The following C5AR1 variants were observed in gnomAD, a reference collection of about 807,000 sequenced individuals.
C5AR1 encodes C5a anaphylatoxin chemotactic receptor 1.
A neutral mutation model predicts 2.4 loss-of-function variants in C5AR1; 4 were observed. The observed-to-expected ratio is 1.65, with a 90% CI of 0.81 to 3.77. The LOEUF (loss-of-function observed/expected upper bound fraction) is 3.77, where lower values mean the gene tolerates loss of function less well. Ranked by LOEUF, C5AR1 falls within the 30% of genes most tolerant of loss-of-function variation. The probability of loss-of-function intolerance (pLI) is 0.01; values close to 1 mark genes in which losing one functional copy is unlikely to be tolerated. For missense variants in C5AR1, 418 were observed against 462.5 expected (o/e 0.90, Z 0.88); for synonymous variants, 209 against 210.4 (o/e 0.99, Z 0.06).
At chr19:47,310,435 G>A (rs749443027) in intron 1 of C5AR1, among the ~76,000 whole-genome samples, 6 of 152,188 alleles carry the variant, frequency 3.9e-5, no homozygotes, top group Non-Finnish European at 7.3e-5. Context: ...ATGTTGGGAG[G>A]CTGGAAAGAA....
chr19:47,320,124 T>A lies in C5AR1; in HGVS notation c.347T>A (p.Ile116Asn), dbSNP rs895107917. 1 of 1,614,060 alleles carries A rather than the reference T, an allele frequency of 6.2e-7. No individual in the cohort carries two copies. The highest frequency in any genetic ancestry group is 8.5e-7 in the Non-Finnish European group (1 of 1,180,042). Residue 116 changes from isoleucine to asparagine, a missense_variant, in exon 2 of 2, where the codon ATC (isoleucine) becomes AAC (asparagine). By Grantham distance (149) the Ile-to-Asn change is moderately radical. Coordinates refer to ENST00000355085, the MANE Select transcript of C5AR1 (RefSeq NM_001736.4). This position sits in a 1 kb window ranked among gnomAD's most constrained non-coding sequence, Gnocchi z 4.9. The part of the protein sequence containing the change: ...GAACSILPSL[I>N]LLNMYASILL... ...GCCTGCAGCATCCTGCCCTCCCTCA[T>A]CCTGCTCAACATGTACGCCAGCATC...
At chr19:47,315,812 A>T (rs185903483) in intron 1 of C5AR1, among the ~76,000 whole-genome samples, 316 of 152,204 alleles carry the variant, frequency 2.1e-3, no homozygotes, top group African/African-American at 7.1e-3. Flanking sequence ...AAATATTTTT[A>T]AAAATGTTAA....
chr19:47,317,479 G>T (rs1029301785), intron 1 of C5AR1, among the ~76,000 whole-genome samples: 1 of 146,508 alleles, frequency 6.8e-6, no homozygotes, highest in African/African-American at 2.5e-5. Context: ...CTGAGCTACA[G>T]CCTGGGTGAC....
chr19:47,319,115 A>T (rs1307850856), intron 1 of C5AR1, among the ~76,000 whole-genome samples: 3 of 149,626 alleles, frequency 2.0e-5, no homozygotes, highest in African/African-American at 7.4e-5. Flanking sequence ...TCAACTCCTG[A>T]CCTCGTGATC....
Position 47,319,051 on chromosome 19 carries a change from AAT to A in C5AR1, c.4-729_4-728del, listed in dbSNP as rs1189579093. ...CAGGCGCCCACTACCACGCCTGGCTAATTTTTGTATTTTTAGTAGAGGCGGGG... is the reference window on the plus strand; with the variant it reads ...CAGGCGCCCACTACCACGCCTGGCTATTTTGTATTTTTAGTAGAGGCGGGG... On this transcript the variant is annotated intron_variant, in intron 1 of 1. Transcript: ENST00000355085. Among the ~76,000 whole-genome samples the A allele has an allele frequency of 4.6e-5, 7 of 151,122 alleles. No individual in the cohort carries two copies. The East Asian group carries it at 1.4e-3, about 30-fold the overall frequency.
At position 47,320,560 on chromosome 19, in the gene C5AR1, G is replaced by A. The variant is rs370056891; in HGVS notation, c.783G>A (p.Thr261=). The A allele has an allele frequency of 7.4e-6, 12 of 1,613,824 alleles. No homozygotes were observed. The highest frequency in any genetic ancestry group is 5.3e-5 in the African/African-American group (4 of 74,846). The change falls in exon 2 of 2, where the codon ACG becomes ACA. Residue 261 remains threonine, a synonymous_variant. Coordinates refer to ENST00000355085, the MANE Select transcript of C5AR1 (RefSeq NM_001736.4). The surrounding 1 kb of genome is among the most constrained non-coding windows in gnomAD (Gnocchi z 4.9). ...FFIFWLPYQV[T]GIMMSFLEPS... is the part of the protein sequence containing the mutation. ...TCTTCTGGTTGCCCTACCAGGTGAC[G>A]GGGATAATGATGTCCTTCCTGGAGC...
intron 1 of C5AR1, among the ~76,000 whole-genome samples, chr19:47,313,378 T>C (rs2059276720): frequency 6.6e-6 from 1 of 152,060 alleles, no homozygotes; most frequent in South Asian, 2.1e-4. Flanking sequence ...CCACCTGCCC[T>C]TCCTCTCTCC....
chr19:47,308,212 C>CAAAAAA (rs1051683773), upstream of C5AR1, among the ~76,000 whole-genome samples: 2 of 54,052 alleles, frequency 3.7e-5, no homozygotes, highest in African/African-American at 6.4e-5. Flanking sequence ...GACTCCATCT[C>CAAAAAA]AAAAAAAAAA....
At chr19:47,309,572 C>CAAAA (rs35475766), upstream of C5AR1, among the ~76,000 whole-genome samples, 428 of 96,892 alleles carry the variant, frequency 4.4e-3, 8 homozygotes, top group African/African-American at 0.015. Context: ...AAGACTCTAT[C>CAAAA]AAAAAAAAAA....
chr19:47,309,876 G>A lies in C5AR1; in HGVS notation c.-20G>A, dbSNP rs200157279. On this transcript the variant is annotated 5_prime_UTR_variant, in exon 1 of 2. Transcript: ENST00000355085. The stretch of plus-strand genomic sequence containing the variant: ...GGCAGGAGGGACCTTCGATCCTCGG[G>A]GAGCCCAGGAGACCAGAACATGGTG... 1.8e-4 allele frequency: 291 copies of A among 1,612,002 alleles called. No homozygotes were observed. The highest frequency in any genetic ancestry group is 2.3e-4 in the Non-Finnish European group (273 of 1,179,048).
intron 1 of C5AR1, among the ~76,000 whole-genome samples, chr19:47,319,304 ATTTT>A (rs34731685): frequency 1.1e-5 from 1 of 94,136 alleles, no homozygotes; most frequent in African/African-American, 4.3e-5. Flanking sequence ...GAATCATTTC[ATTTT>A]TTTTTTTTTT....
In C5AR1 at chr19:47,320,420, C is replaced by CT. The variant is rs765781822; in HGVS notation, c.644dup (p.Leu216ThrfsTer110). ...GCTGGTCCTGGGCTTCCTGTGGCCTCTACTCACGCTCACGATTTGTTACAC... is the reference window on the plus strand; with the variant it reads ...GCTGGTCCTGGGCTTCCTGTGGCCTCTTACTCACGCTCACGATTTGTTACAC... On this transcript the variant is annotated frameshift_variant, in exon 2 of 2. Transcript: ENST00000355085. LOFTEE classifies it low-confidence loss of function (END_TRUNC). This position sits in a 1 kb window ranked among gnomAD's most constrained non-coding sequence, Gnocchi z 4.9. 6.2e-7 allele frequency: 1 copy of CT among 1,610,960 alleles called. No individual in the cohort carries two copies. The highest frequency in any genetic ancestry group is 1.3e-5 in the African/African-American group (1 of 75,054).
In C5AR1 at chr19:47,320,679, T is replaced by C. The variant is rs2059307120; in HGVS notation, c.902T>C (p.Val301Ala). The C allele has an allele frequency of 6.2e-7, 1 of 1,614,164 alleles. No individual in the cohort carries two copies. The highest frequency in any genetic ancestry group is 2.2e-5 in the East Asian group (1 of 44,880). ...TGCTGCATCAACCCCATCATCTACG[T>C]GGTGGCCGGCCAGGGCTTCCAGGGC... ...INCCINPIIYVVAGQGFQGRL... is the reference protein window; with the variant it reads ...INCCINPIIYAVAGQGFQGRL... Residue 301 changes from valine (V) to alanine (A), a missense_variant, in exon 2 of 2, where the codon GTG becomes GCG. Physicochemically the swap from Val to Ala is moderately conservative, Grantham distance 64 (BLOSUM62 0). Coordinates refer to ENST00000355085, the MANE Select transcript of C5AR1 (RefSeq NM_001736.4). This position sits in a 1 kb window ranked among gnomAD's most constrained non-coding sequence, Gnocchi z 4.9.
chr19:47,315,936 T>TATCC (rs567194903), intron 1 of C5AR1, among the ~76,000 whole-genome samples: 28 of 152,160 alleles, frequency 1.8e-4, no homozygotes, highest in Middle Eastern at 3.4e-3. Flanking sequence ...GTCTCTCCAT[T>TATCC]ATCCATCCAT....
At chr19:47,311,709 C>T (rs1442633157) in intron 1 of C5AR1, among the ~76,000 whole-genome samples, 3 of 152,004 alleles carry the variant, frequency 2.0e-5, no homozygotes, top group African/African-American at 7.2e-5. Flanking sequence ...GGATTACAGG[C>T]ATGCGCCACC....
intron 1 of C5AR1, among the ~76,000 whole-genome samples, chr19:47,313,938 A>C (rs1362071783): frequency 6.6e-6 from 1 of 152,118 alleles, no homozygotes; most frequent in Non-Finnish European, 1.5e-5. Flanking sequence ...TCAATGAGAT[A>C]ATACACGAGA....
chr19:47,308,440 A>G (rs151114384), upstream of C5AR1, among the ~76,000 whole-genome samples: 1,674 of 152,228 alleles, frequency 0.011, 15 homozygotes, highest in Non-Finnish European at 0.016. Context: ...CAATGTAACA[A>G]TAATAGATGG....
At chr19:47,317,987 A>G (rs1599731326) in intron 1 of C5AR1, among the ~76,000 whole-genome samples, 1 of 152,054 alleles carries the variant, frequency 6.6e-6, no homozygotes, top group Non-Finnish European at 1.5e-5. Flanking sequence ...CTCAAAAAAA[A>G]AAAAAAAATG....
At chr19:47,317,211 A>AG (rs796899462) in intron 1 of C5AR1, among the ~76,000 whole-genome samples, 1,446 of 142,876 alleles carry the variant, frequency 0.01, 51 homozygotes, top group African/African-American at 0.024. Context: ...AAAAAAAAAA[A>AG]AAATATAAAA....
Sources: gnomAD v4.1 joint callset for allele counts (sites outside exome capture counted in the v4.1 genomes callset) on GRCh38, gnomAD v4.1.1 for gene constraint, Gnocchi (gnomAD v3.1) non-coding constraint, MANE v1.5 for transcripts, NCBI Gene and HGNC (gene_info 2026-07-23, HGNC 2026-07-21) for gene names.